APC: variants seen among roughly 807,000 people sequenced by gnomAD.
The protein encoded by APC is APC regulator of Wnt signaling pathway.
In APC, 72 loss-of-function variants were observed where a neutral mutation model predicts 247.0. That is an observed-to-expected ratio of 0.29 (90% CI 0.24 to 0.35). The LOEUF is 0.35. Ranked by LOEUF, APC falls within the 10% of genes least tolerant of loss-of-function variation. The pLI, the probability that APC is intolerant of heterozygous loss-of-function variation, is 1.00. For synonymous variants in APC, 1,254 were observed against 1,162.5 expected, an observed-to-expected ratio of 1.08 and a Z score of -1.60; for missense variants, 3,400 against 3,360.7, an observed-to-expected ratio of 1.01 and a Z score of -0.29.
chr5:112,790,623 C>T (rs1282841003), intron 6 of APC, among the ~76,000 whole-genome samples: 1 of 152,146 alleles, frequency 6.6e-6, no homozygotes, highest in African/African-American at 2.4e-5. Flanking sequence ...GCCACCGTGC[C>T]CGGCAGCGAA....
At chr5:112,776,685 A>G (rs973058081) in intron 5 of APC, among the ~76,000 whole-genome samples, 1 of 152,112 alleles carries the variant, frequency 6.6e-6, no homozygotes, top group Non-Finnish European at 1.5e-5. Flanking sequence ...TAAAGTAAAT[A>G]CAAAAATTAG....
rs997606437 is a variant in APC at position 112,780,773 on chromosome 5, A to T, written c.532-17A>T. On this transcript the variant is annotated splice_polypyrimidine_tract_variant and intron_variant, in intron 5 of 15. Transcript: ENST00000257430. ...AAATACAAGATATTGATACTTTTTT[A>T]TTATTTGTGGTTTTAGTTTTCCTTA... 84 of 1,539,040 alleles carry T rather than the reference A, an allele frequency of 5.5e-5. No individual in the cohort carries two copies. The highest frequency in any genetic ancestry group is 7.2e-5 in the Non-Finnish European group (80 of 1,115,092).
chr5:112,827,878 T>A, intron 12 of APC, 51 bp from the exon 13 acceptor site: 1 of 1,493,812 alleles, frequency 6.7e-7, no homozygotes, highest in Non-Finnish European at 9.3e-7. Flanking sequence ...AAATAAAGCT[T>A]GGCTTCAAGT....
chr5:112,710,263 C>G (rs146778763), intron 1 of APC, among the ~76,000 whole-genome samples: 33 of 152,268 alleles, frequency 2.2e-4, no homozygotes, highest in African/African-American at 7.9e-4. Flanking sequence ...TGCTGGGTCT[C>G]TAGTGTTGTG....
At chr5:112,793,486 TAA>T (rs1448967565) in intron 7 of APC, among the ~76,000 whole-genome samples, 3 of 87,960 alleles carry the variant, frequency 3.4e-5, no homozygotes, top group East Asian at 5.8e-4. Context: ...AAAAAAAACT[TAA>T]AGAGACTTAC....
chr5:112,743,495 A>G (rs1753279608), intron 1 of APC, among the ~76,000 whole-genome samples: 1 of 152,128 alleles, frequency 6.6e-6, no homozygotes, highest in African/African-American at 2.4e-5. Flanking sequence ...TGGTAATTTC[A>G]GATTTTCATT....
At chr5:112,718,562 A>G (rs1751307289) in intron 1 of APC, among the ~76,000 whole-genome samples, 1 of 150,744 alleles carries the variant, frequency 6.6e-6, no homozygotes, top group Non-Finnish European at 1.5e-5. Context: ...TGCAGGCAAC[A>G]AACAACCAAG....
At chr5:112,728,273 G>T (rs74441146) in intron 1 of APC, among the ~76,000 whole-genome samples, 1 of 151,874 alleles carries the variant, frequency 6.6e-6, no homozygotes, top group African/African-American at 2.4e-5. Flanking sequence ...GATTACAGGC[G>T]CCCACCACCA....
In APC at chr5:112,841,317, A is replaced by G. The variant is rs1064795748; in HGVS notation, c.5723A>G (p.Asn1908Ser). The change falls in exon 16 of 16, where the codon AAT becomes AGT. Residue 1908 changes from asparagine to serine, a missense_variant. Transcript: ENST00000257430. The surrounding 1 kb of genome is among the most constrained non-coding windows in gnomAD (Gnocchi z 4.6). ...CTAACCTCCAACCAACAATCAGCTA[A>G]TAAGACACAAGCTATTGCAAAGCAG... is the stretch of plus-strand genomic sequence containing the variant. The part of the protein sequence containing the change: ...TELTSNQQSA[N>S]KTQAIAKQPI... The G allele has an allele frequency of 1.2e-6, 2 of 1,614,024 alleles. No homozygotes were observed. Among genetic ancestry groups the G allele is most frequent in the Non-Finnish European group, 1.7e-6 (2 of 1,179,924 alleles).
chr5:112,783,218 T>G (rs952674659), intron 6 of APC, among the ~76,000 whole-genome samples: 7 of 152,160 alleles, frequency 4.6e-5, no homozygotes, highest in Admixed American at 4.6e-4. Flanking sequence ...GAGGTTAACT[T>G]GAGTTCTTTC....
chr5:112,805,400 C>G (rs979505624), intron 8 of APC, among the ~76,000 whole-genome samples: 20 of 152,094 alleles, frequency 1.3e-4, no homozygotes, highest in African/African-American at 4.8e-4. Context: ...GTATTCATTC[C>G]TCCTTTAAGT....
chr5:112,755,103 CTT>C (rs771726412), intron 2 of APC, 78 bp downstream of exon 2: 3 of 1,586,776 alleles, frequency 1.9e-6, no homozygotes, highest in Middle Eastern at 1.7e-4. Flanking sequence ...AGGTAAGACA[CTT>C]TACTTAAAAG....
intron 8 of APC, among the ~76,000 whole-genome samples, chr5:112,803,549 A>G (rs1196269068): frequency 6.6e-6 from 1 of 152,178 alleles, no homozygotes; most frequent in Non-Finnish European, 1.5e-5. Context: ...CCTCTACCTC[A>G]TAGAACAGTT....
At chr5:112,803,119 T>G (rs1330225102) in intron 8 of APC, among the ~76,000 whole-genome samples, 1 of 152,096 alleles carries the variant, frequency 6.6e-6, no homozygotes, top group Non-Finnish European at 1.5e-5. Flanking sequence ...TTGGCAAAAA[T>G]CAATAACACT....
At chr5:112,832,114 T>C (rs536280171) in intron 14 of APC, among the ~76,000 whole-genome samples, 1 of 152,352 alleles carries the variant, frequency 6.6e-6, no homozygotes, top group African/African-American at 2.4e-5. Context: ...TTACTACTTG[T>C]ATTAATAACC....
At chr5:112,725,261 C>T (rs926876363) in intron 1 of APC, among the ~76,000 whole-genome samples, 1 of 152,180 alleles carries the variant, frequency 6.6e-6, no homozygotes, top group Non-Finnish European at 1.5e-5. Flanking sequence ...GCGTGAGCCA[C>T]TGCACCCAAC....
At chr5:112,803,290 G>A (rs1420335065) in intron 8 of APC, among the ~76,000 whole-genome samples, 1 of 152,128 alleles carries the variant, frequency 6.6e-6, no homozygotes, top group East Asian at 1.9e-4. Context: ...TTGCTAATGA[G>A]ATAATCAGTC....
rs878853432 is a variant in APC, at chr5:112,838,389, C to A, written c.2795C>A (p.Ser932Ter). The change falls in exon 16 of 16, where the codon TCA (serine) becomes TAA (stop). Residue 932 changes from serine to a stop codon, truncating the protein, a stop_gained. Transcript: ENST00000257430. LOFTEE classifies it high-confidence loss of function. ...LRRSSAAHTH[S>*]NTYNFTKSEN... ...AGAAGCTCTGCTGCCCATACACATT[C>A]AAACACTTACAATTTCACTAAGTCG... 6.2e-7 allele frequency: 1 copy of A among 1,614,054 alleles called. No homozygotes were observed. The highest frequency in any genetic ancestry group is 8.5e-7 in the Non-Finnish European group (1 of 1,180,034).
At chr5:112,756,924 A>G (rs1054016363) in intron 2 of APC, among the ~76,000 whole-genome samples, 1 of 152,190 alleles carries the variant, frequency 6.6e-6, no homozygotes, top group Admixed American at 6.5e-5. Context: ...AGCATTCCTA[A>G]TTCGAAAATC....
Sources: gnomAD v4.1 joint callset for allele counts (sites outside exome capture counted in the v4.1 genomes callset) on GRCh38, gnomAD v4.1.1 for gene constraint, Gnocchi (gnomAD v3.1) non-coding constraint, MANE v1.5 for transcripts, NCBI Gene and HGNC (gene_info 2026-07-23, HGNC 2026-07-21) for gene names.